Variants in RCSD1 observed in about 807,000 individuals in gnomAD.
RCSD1 encodes capZ-interacting protein.
RCSD1 carries 26 observed loss-of-function variants against 42.5 expected under a neutral mutation model. The observed-to-expected ratio is 0.61, with a 90% CI of 0.45 to 0.85. The LOEUF (loss-of-function observed/expected upper bound fraction) is 0.85, where lower values mean the gene tolerates loss of function less well. Among genes scored for constraint, RCSD1 ranks in the 40% least tolerant of loss-of-function variants. The pLI is 0.00. For synonymous variants in RCSD1, 220 were observed against 212.2 expected, an observed-to-expected ratio of 1.04 and a Z score of -0.32; for missense variants, 571 against 528.3, an observed-to-expected ratio of 1.08 and a Z score of -0.79.
At chr1:167,680,448 CTGTTTTTGTTTT>C (rs143240113) in intron 1 of RCSD1, among the ~76,000 whole-genome samples, 2,311 of 146,918 alleles carry the variant, frequency 0.016, 57 homozygotes, top group African/African-American at 0.051. Context: ...TAGATGAGCC[CTGTTTTTGTTTT>C]TGTTTTTGTT....
rs540781711 is a variant in RCSD1, at chr1:167,697,141, C to A, written c.517C>A (p.Arg173=). The change falls in exon 6 of 7, where the codon CGA becomes AGA. Residue 173 remains arginine, a synonymous_variant. Coordinates refer to ENST00000367854, the MANE Select transcript of RCSD1 (RefSeq NM_052862.4). ...AATAAAAAGGCGCCCTCCCTCCAGG[C>A]GATTCCGAAGGTCACAGTCAGACTG... ...GSIKRRPPSR[R]FRRSQSDCGE... 1.2e-6 allele frequency: 2 copies of A among 1,614,066 alleles called. No individual in the cohort carries two copies. The highest frequency in any genetic ancestry group is 1.7e-6 in the Non-Finnish European group (2 of 1,179,990).
chr1:167,653,577 A>C (rs1345605138), intron 1 of RCSD1, among the ~76,000 whole-genome samples: 1 of 152,150 alleles, frequency 6.6e-6, no homozygotes, highest in African/African-American at 2.4e-5. Context: ...AATATTGCAC[A>C]CCTATTACGT....
At chr1:167,634,271 C>G (rs761361946) in intron 1 of RCSD1, among the ~76,000 whole-genome samples, 1 of 152,124 alleles carries the variant, frequency 6.6e-6, no homozygotes, top group Non-Finnish European at 1.5e-5. Flanking sequence ...ACTGTCACCC[C>G]GGAAGGCTCC....
intron 3 of RCSD1, among the ~76,000 whole-genome samples, chr1:167,686,325 C>T (rs775716320): frequency 2.6e-5 from 4 of 152,154 alleles, no homozygotes; most frequent in Non-Finnish European, 5.9e-5. Context: ...CTTTATTCTC[C>T]CCTTCTTTTT....
At chr1:167,657,020 C>G (rs959101114) in intron 1 of RCSD1, among the ~76,000 whole-genome samples, 1 of 152,222 alleles carries the variant, frequency 6.6e-6, no homozygotes, top group Non-Finnish European at 1.5e-5. Context: ...GCATGTGACC[C>G]TGGTTGGGAA....
chr1:167,671,940 C>A (rs1441481507), intron 1 of RCSD1, among the ~76,000 whole-genome samples: 1 of 152,178 alleles, frequency 6.6e-6, no homozygotes, highest in Non-Finnish European at 1.5e-5. Flanking sequence ...GCTCTGCTTA[C>A]CCTTCAGGCT....
chr1:167,683,341 T>C (rs1158614559), intron 1 of RCSD1, among the ~76,000 whole-genome samples: 1 of 152,208 alleles, frequency 6.6e-6, no homozygotes, highest in Non-Finnish European at 1.5e-5. Context: ...GTCCCCAGGC[T>C]GGTAAGAGAT....
At chr1:167,677,588 C>G (rs1658982598) in intron 1 of RCSD1, among the ~76,000 whole-genome samples, 2 of 152,204 alleles carry the variant, frequency 1.3e-5, no homozygotes, top group Admixed American at 1.3e-4. Flanking sequence ...TGGTTTCACT[C>G]TTTTCAGACT....
intron 6 of RCSD1, among the ~76,000 whole-genome samples, chr1:167,701,251 AGTTT>A (rs1190663214): frequency 2.6e-4 from 31 of 117,758 alleles, no homozygotes; most frequent in African/African-American, 8.6e-4. Context: ...CCAATTGCCT[AGTTT>A]CTTTCTTTCT....
chr1:167,662,281 GA>G (rs1378238821), intron 1 of RCSD1, among the ~76,000 whole-genome samples: 2 of 152,208 alleles, frequency 1.3e-5, no homozygotes, highest in Non-Finnish European at 2.9e-5. Flanking sequence ...AAACCAAAGT[GA>G]AGGTTATTTT....
intron 1 of RCSD1, among the ~76,000 whole-genome samples, chr1:167,682,186 T>C (rs1259219548): frequency 6.6e-6 from 1 of 151,814 alleles, no homozygotes; most frequent in Admixed American, 6.6e-5. Context: ...TTTTTTTTTT[T>C]TGAGATGGAG....
At chr1:167,648,538 A>G (rs1049725646) in intron 1 of RCSD1, among the ~76,000 whole-genome samples, 5 of 152,180 alleles carry the variant, frequency 3.3e-5, no homozygotes, top group Non-Finnish European at 7.4e-5. Context: ...CTTTCCTCCC[A>G]GGGTCTTCCA....
intron 1 of RCSD1, among the ~76,000 whole-genome samples, chr1:167,670,999 C>T (rs1319705227): frequency 5.3e-5 from 8 of 152,214 alleles, no homozygotes; most frequent in African/African-American, 1.9e-4. Context: ...AAGATCTCTA[C>T]TTATTTTCAG....
At chr1:167,688,999 C>T (rs187453160) in intron 3 of RCSD1, among the ~76,000 whole-genome samples, 3 of 152,142 alleles carry the variant, frequency 2.0e-5, no homozygotes, top group Admixed American at 6.5e-5. Context: ...TGATATGGAT[C>T]CCGAAGGCAG....
intron 1 of RCSD1, among the ~76,000 whole-genome samples, chr1:167,673,268 T>G (rs1435324920): frequency 6.6e-6 from 1 of 152,240 alleles, no homozygotes; most frequent in Non-Finnish European, 1.5e-5. Flanking sequence ...AGCAGCAGAT[T>G]CCCTCCATTT....
chr1:167,653,415 G>GA (rs1178696066), intron 1 of RCSD1, among the ~76,000 whole-genome samples: 2 of 152,208 alleles, frequency 1.3e-5, no homozygotes, highest in African/African-American at 4.8e-5. Context: ...GTCCTGGGGG[G>GA]AGAGTTTCTA....
chr1:167,673,257 T>C (rs12081670), intron 1 of RCSD1, among the ~76,000 whole-genome samples: 43,238 of 152,042 alleles, frequency 0.28, 6,755 homozygotes, highest in African/African-American at 0.41. Flanking sequence ...CTTAAAAGAG[T>C]AGCAGCAGAT....
intron 1 of RCSD1, among the ~76,000 whole-genome samples, chr1:167,674,472 T>C (rs997246626): frequency 3.3e-5 from 5 of 152,162 alleles, no homozygotes; most frequent in Admixed American, 6.5e-5. Context: ...AACAGTTTTA[T>C]TGAGATATCG....
rs376844016 is a variant in RCSD1 at position 167,695,729 on chromosome 1, A to G, written c.475-1370A>G. 3.4e-4 allele frequency among the ~76,000 whole-genome samples: 52 copies of G among 152,132 alleles called. No homozygotes were observed. In the South Asian group the frequency reaches 5.0e-3, roughly 15 times the overall value. On this transcript the variant is annotated intron_variant, in intron 5 of 6. Transcript: ENST00000367854. ...GAGACAGGGTTTTGCCATGTCTTCA[A>G]CCAGGCTCCTGCAGCTTCTGGGCTC...
Sources: allele counts gnomAD v4.1 joint callset (sites outside exome capture counted in the v4.1 genomes callset), GRCh38; gene constraint gnomAD v4.1.1; transcripts MANE v1.5; gene names NCBI Gene and HGNC (gene_info 2026-07-23, HGNC 2026-07-21).